SPEG: variants seen among roughly 807,000 people sequenced by gnomAD.
SPEG encodes the protein striated muscle enriched protein kinase, also known as striated muscle preferentially expressed protein kinase.
SPEG carries 114 observed loss-of-function variants against 300.4 expected under a neutral mutation model. The observed-to-expected ratio is 0.38, with a 90% CI of 0.33 to 0.44. The LOEUF (loss-of-function observed/expected upper bound fraction) is 0.44, where lower values mean the gene tolerates loss of function less well. SPEG is among the 20% of genes least tolerant of loss of function. The probability of loss-of-function intolerance (pLI) is 1.00; values close to 1 mark genes in which losing one functional copy is unlikely to be tolerated. For synonymous variants in SPEG, 1,964 were observed against 2,018.9 expected, an observed-to-expected ratio of 0.97 and a Z score of 0.73; for missense variants, 4,201 against 4,586.2, an observed-to-expected ratio of 0.92 and a Z score of 2.43.
chr2:219,486,936 AG>A (rs1336290245), intron 31 of SPEG, among the ~76,000 whole-genome samples: 3 of 152,110 alleles, frequency 2.0e-5, no homozygotes, highest in Non-Finnish European at 4.4e-5. Flanking sequence ...TACAGCGGGA[AG>A]GGGGCACACT....
Position 219,479,098 on chromosome 2 carries a change from C to A in SPEG, c.5028-46C>A. 3 of 1,581,332 alleles carry A rather than the reference C, an allele frequency of 1.9e-6. No individual in the cohort carries two copies. Among genetic ancestry groups the A allele is most frequent in the East Asian group, 2.2e-5 (1 of 44,694 alleles). Reference sequence around the variant, plus strand: ...GACCTGCCCTGAGCGCTGGGCTGGGCCGGGCAGTTGGCACTGGGCACTGTT... The same window carrying A: ...GACCTGCCCTGAGCGCTGGGCTGGGACGGGCAGTTGGCACTGGGCACTGTT... On this transcript the variant is annotated intron_variant, in intron 22 of 40. Coordinates refer to ENST00000312358, the MANE Select transcript of SPEG (RefSeq NM_005876.5). This position sits in a 1 kb window ranked among gnomAD's most constrained non-coding sequence, Gnocchi z 5.5.
In SPEG at chr2:219,488,673, TG is replaced by T; in HGVS notation, c.8026+12del. 1 of 1,601,420 alleles carries T rather than the reference TG, an allele frequency of 6.2e-7. No individual in the cohort carries two copies. Among genetic ancestry groups the T allele is most frequent in the Non-Finnish European group, 8.5e-7 (1 of 1,172,778 alleles). On this transcript the variant is annotated intron_variant, in intron 33 of 40. Coordinates refer to ENST00000312358, the MANE Select transcript of SPEG (RefSeq NM_005876.5). ...GTACCGTGGCTGTGGCCCGTGAGCCTGGGGCAGGGCCCCAGGGGGGTAGTGA... is the reference window on the plus strand; with the variant it reads ...GTACCGTGGCTGTGGCCCGTGAGCCTGGGCAGGGCCCCAGGGGGGTAGTGA...
At position 219,458,937 on chromosome 2, in the gene SPEG, C is replaced by T. The variant is rs559890905; in HGVS notation, c.2441-2945C>T. On this transcript the variant is annotated intron_variant, in intron 6 of 40. Coordinates refer to ENST00000312358, the MANE Select transcript of SPEG (RefSeq NM_005876.5). The surrounding 1 kb of genome is among the most constrained non-coding windows in gnomAD (Gnocchi z 4.2). ...AAGCCCTGAAGCAAAGGGCTGTGTG[C>T]GACACCTTTTATGTACTAGATAATT... Among the ~76,000 whole-genome samples the T allele has an allele frequency of 1.3e-5, 2 of 152,236 alleles. No individual in the cohort carries two copies. Among genetic ancestry groups the T allele is most frequent in the South Asian group, 2.1e-4 (1 of 4,814 alleles).
Position 219,480,591 on chromosome 2 carries a change from A to G in SPEG, c.5343-80A>G, listed in dbSNP as rs1336689361. On this transcript the variant is annotated intron_variant, in intron 25 of 40. Coordinates refer to ENST00000312358, the MANE Select transcript of SPEG (RefSeq NM_005876.5). The surrounding 1 kb of genome is among the most constrained non-coding windows in gnomAD (Gnocchi z 5.3). ...TTCCCAGGGAGGTAACAGCTCACTC[A>G]GGTCAGCAGTAGCAAAGAACTGCTC... The G allele has an allele frequency of 2.8e-6, 4 of 1,439,904 alleles. No individual in the cohort carries two copies. Among genetic ancestry groups the G allele is most frequent in the Non-Finnish European group, 3.9e-6 (4 of 1,021,968 alleles). The allele number at this position is 1,439,904 out of a possible 1,614,324, so 89.2% of individuals were successfully genotyped here.
chr2:219,468,685 G>A lies in SPEG; in HGVS notation c.3250G>A (p.Asp1084Asn), dbSNP rs759841206. Residue 1084 changes from aspartate to asparagine, a missense_variant, in exon 11 of 41, where the codon GAC (aspartate) becomes AAC (asparagine). By Grantham distance (23) the Asp-to-Asn change is conservative. Transcript: ENST00000312358. ...EVLEGRAARF[D>N]CKISGTPPPV... ...GTTGGAGGGCCGAGCTGCCCGTTTC[G>A]ACTGCAAGATCAGTGGCACCCCGCC... 24 of 1,614,112 alleles carry A rather than the reference G, an allele frequency of 1.5e-5. No individual in the cohort carries two copies. Among genetic ancestry groups the A allele is most frequent in the Non-Finnish European group, 1.8e-5 (21 of 1,179,998 alleles).
chr2:219,462,360 G>A lies in SPEG; in HGVS notation c.2679G>A (p.Gln893=). ...GQDVIMSIRV[Q]GEPKPVVSWL... Reference sequence around the variant, plus strand: ...ATGTCATCATGAGCATCCGCGTGCAGGGGGAGCCCAAGCCTGTGGTCTCCT... The same window carrying A: ...ATGTCATCATGAGCATCCGCGTGCAAGGGGAGCCCAAGCCTGTGGTCTCCT... The change falls in exon 8 of 41, where the codon CAG becomes CAA. Residue 893 remains glutamine, a synonymous_variant. Coordinates refer to ENST00000312358, the MANE Select transcript of SPEG (RefSeq NM_005876.5). 6.4e-7 allele frequency: 1 copy of A among 1,564,792 alleles called. No homozygotes were observed. The highest frequency in any genetic ancestry group is 1.2e-5 in the South Asian group (1 of 85,014).
intron 31 of SPEG, among the ~76,000 whole-genome samples, chr2:219,487,436 C>T (rs1205731672): frequency 3.3e-5 from 5 of 152,208 alleles, no homozygotes; most frequent in African/African-American, 1.2e-4. Flanking sequence ...TTACATGCCT[C>T]GTAATTGTCA....
chr2:219,448,442 G>C lies in SPEG; in HGVS notation c.1284G>C (p.Val428=). The change falls in exon 4 of 41, where the codon GTG becomes GTC. Residue 428 remains valine (V), a synonymous_variant. Transcript: ENST00000312358. ...CGCCGGCGCCCCTGCGGCCCTGGGT[G>C]CCCCTGCGCAAGGCCCGCTCTCTGG... The part of the protein sequence containing the change: ...DSPPAPLRPW[V]PLRKARSLEQ... The C allele has an allele frequency of 6.6e-7, 1 of 1,510,440 alleles. No homozygotes were observed. Among genetic ancestry groups the C allele is most frequent in the Non-Finnish European group, 8.8e-7 (1 of 1,137,914 alleles). 93.6% of individuals were successfully genotyped at this position (1,510,440 alleles called of 1,614,324 possible). A position where few individuals can be genotyped will look rare whatever the true frequency, so the allele number is the denominator to read the frequency against.
Position 219,444,148 on chromosome 2 carries a change from G to A in SPEG, c.389-505G>A, listed in dbSNP as rs1414279839. The A allele has an allele frequency of 1.3e-5, 13 of 1,006,264 alleles. No individual in the cohort carries two copies. The East Asian group carries it at 2.9e-4, about 22-fold the overall frequency. The allele number at this position is 1,006,264 out of a possible 1,614,324, so 62.3% of individuals were successfully genotyped here. A position where few individuals can be genotyped will look rare whatever the true frequency, so the allele number is the denominator to read the frequency against. The stretch of plus-strand genomic sequence containing the variant: ...TCCTCACCCTGCCTCAGCTGCACCC[G>A]ATGCCTTGCAGCTGGTTTGGGGTAG... On this transcript the variant is annotated intron_variant, in intron 1 of 40. Coordinates refer to ENST00000312358, the MANE Select transcript of SPEG (RefSeq NM_005876.5). This position sits in a 1 kb window ranked among gnomAD's most constrained non-coding sequence, Gnocchi z 7.8.
At chr2:219,442,346 G>A (rs1688984143) in intron 1 of SPEG, among the ~76,000 whole-genome samples, 1 of 151,782 alleles carries the variant, frequency 6.6e-6, no homozygotes, top group Admixed American at 6.6e-5. Context: ...ACCGGGGAAG[G>A]CCCCCGCTGC....
Position 219,480,039 on chromosome 2 carries a change from G to C in SPEG, c.5241G>C (p.Glu1747Asp). ...TCTGTGACTTTGGGAATGCCCAGGAGCTGACTCCAGGAGAGCCCCAGTACT... is the reference window on the plus strand; with the variant it reads ...TCTGTGACTTTGGGAATGCCCAGGACCTGACTCCAGGAGAGCCCCAGTACT... ...VRICDFGNAQ[E>D]LTPGEPQYCQ... Residue 1747 changes from glutamate (E) to aspartate (D), a missense_variant, in exon 25 of 41, where the codon GAG becomes GAC. By Grantham distance (45) the Glu-to-Asp change is conservative. This residue lies in a region of SPEG where 1,047 missense variants were observed against 1,356.8 expected (regional missense o/e 0.77). Transcript: ENST00000312358. This position sits in a 1 kb window ranked among gnomAD's most constrained non-coding sequence, Gnocchi z 5.3. The C allele has an allele frequency of 6.2e-7, 1 of 1,614,148 alleles. No individual in the cohort carries two copies. Among genetic ancestry groups the C allele is most frequent in the Non-Finnish European group, 8.5e-7 (1 of 1,180,028 alleles).
chr2:219,483,011 G>A, intron 29 of SPEG, 87 bp from the exon 30 acceptor site: 1 of 1,465,870 alleles, frequency 6.8e-7, no homozygotes, highest in Non-Finnish European at 9.3e-7. Context: ...GCATGCTCAG[G>A]CCTCTTCCCC....
chr2:219,476,957 C>G lies in SPEG; in HGVS notation c.4535C>G (p.Pro1512Arg), dbSNP rs1692401095. Reference sequence around the variant, plus strand: ...TTTGCGGTGGTGGTCGAGGGAAAACCACTGCCGGACATCATGTGGTACAAG... The same window carrying G: ...TTTGCGGTGGTGGTCGAGGGAAAACGACTGCCGGACATCATGTGGTACAAG... The part of the protein sequence containing the change: ...ARFAVVVEGK[P>R]LPDIMWYKDE... Residue 1512 changes from proline to arginine, a missense_variant, in exon 19 of 41, where the codon CCA becomes CGA. Physicochemically the swap from Pro to Arg is moderately radical, Grantham distance 103. Around this residue, in one of 4 missense-constraint regions of SPEG, gnomAD observed 1,047 missense variants for 1,356.8 expected, o/e 0.77. Coordinates refer to ENST00000312358, the MANE Select transcript of SPEG (RefSeq NM_005876.5). 1 of 1,611,554 alleles carries G rather than the reference C, an allele frequency of 6.2e-7. No homozygotes were observed. Among genetic ancestry groups the G allele is most frequent in the Non-Finnish European group, 8.5e-7 (1 of 1,178,906 alleles).
Position 219,484,832 on chromosome 2 carries a change from C to CTGAG in SPEG, c.7370_7373dup (p.Phe2459GlufsTer122). On this transcript the variant is annotated frameshift_variant, in exon 30 of 41. Coordinates refer to ENST00000312358, the MANE Select transcript of SPEG (RefSeq NM_005876.5). LOFTEE classifies it high-confidence loss of function. The stretch of plus-strand genomic sequence containing the variant: ...CCCGGTGCTGGCGATGCGCAGGCGG[C>CTGAG]TGAGCTTCACCCTGGAGCGGCTGTC... The CTGAG allele has an allele frequency of 6.6e-7, 1 of 1,509,972 alleles. No homozygotes were observed. Among genetic ancestry groups the CTGAG allele is most frequent in the Non-Finnish European group, 8.8e-7 (1 of 1,137,310 alleles). The allele number at this position is 1,509,972 out of a possible 1,614,324, so 93.5% of individuals were successfully genotyped here.
At chr2:219,491,723 C>T in intron 38 of SPEG, 71 bp from the exon 39 acceptor site, 1 of 1,253,440 alleles carries the variant, frequency 8.0e-7, no homozygotes, top group South Asian at 1.2e-5. Flanking sequence ...CTCAAGCACC[C>T]AGGGACCTCC....
rs1210084568 is a variant in SPEG at position 219,435,385 on chromosome 2, C to T, written c.388+20C>T. On this transcript the variant is annotated intron_variant, in intron 1 of 40. Transcript: ENST00000312358. ...TCGGAGGTAAAGGGCAGGTGGGGGC[C>T]GCGCCCGGCAGGGGCGGGGTGCTCA... 2.0e-6 allele frequency: 3 copies of T among 1,523,488 alleles called. No homozygotes were observed. Among genetic ancestry groups the T allele is most frequent in the African/African-American group, 1.4e-5 (1 of 71,716 alleles). The allele number at this position is 1,523,488 out of a possible 1,614,324, so 94.4% of individuals were successfully genotyped here.
chr2:219,444,099 C>T lies in SPEG; in HGVS notation c.389-554C>T. 5 of 1,332,622 alleles carry T rather than the reference C, an allele frequency of 3.8e-6. No homozygotes were observed. The highest frequency in any genetic ancestry group is 5.0e-6 in the Non-Finnish European group (5 of 999,328). 82.5% of individuals were successfully genotyped at this position (1,332,622 alleles called of 1,614,324 possible). A position where few individuals can be genotyped will look rare whatever the true frequency, so the allele number is the denominator to read the frequency against. ...CCTGCTCTAGCCCCCCGCATCCCCC[C>T]CTTTCCCACCCGGCCCCGGCCTCTC... On this transcript the variant is annotated intron_variant, in intron 1 of 40. Coordinates refer to ENST00000312358, the MANE Select transcript of SPEG (RefSeq NM_005876.5). The surrounding 1 kb of genome is among the most constrained non-coding windows in gnomAD (Gnocchi z 7.8).
Position 219,488,328 on chromosome 2 carries a change from C to G in SPEG, c.7858+18C>G, listed in dbSNP as rs1340488566. 10 of 1,583,018 alleles carry G rather than the reference C, an allele frequency of 6.3e-6. No individual in the cohort carries two copies. The highest frequency in any genetic ancestry group is 1.7e-5 in the Admixed American group (1 of 57,402). On this transcript the variant is annotated intron_variant, in intron 32 of 40. Coordinates refer to ENST00000312358, the MANE Select transcript of SPEG (RefSeq NM_005876.5). Reference sequence around the variant, plus strand: ...GATGAAAGGTAAGGAGACTCTGTCTCCCACAGAGAGGGAGGCCAGCAAGTG... The same window carrying G: ...GATGAAAGGTAAGGAGACTCTGTCTGCCACAGAGAGGGAGGCCAGCAAGTG...
chr2:219,467,865 T>C (rs1206380118), intron 10 of SPEG, among the ~76,000 whole-genome samples: 1 of 152,228 alleles, frequency 6.6e-6, no homozygotes, highest in Non-Finnish European at 1.5e-5. Flanking sequence ...TCAAAGGGCC[T>C]TTCCAGGAGA....
Sources: gnomAD v4.1 joint callset for allele counts (sites outside exome capture counted in the v4.1 genomes callset) on GRCh38, gnomAD v4.1.1 for gene constraint, gnomAD v4.1.1 regional missense constraint, Gnocchi (gnomAD v3.1) non-coding constraint, MANE v1.5 for transcripts, NCBI Gene and HGNC (gene_info 2026-07-23, HGNC 2026-07-21) for gene names.